Variants in MAN1C1 observed in about 807,000 individuals in gnomAD.
The protein encoded by MAN1C1 is mannosidase alpha class 1C member 1.
MAN1C1 carries 49 observed loss-of-function variants against 71.5 expected under a neutral mutation model. The observed-to-expected ratio is 0.69, with a 90% CI of 0.54 to 0.87. The LOEUF (loss-of-function observed/expected upper bound fraction) is 0.87. MAN1C1 is among the 40% of genes least tolerant of loss of function. MAN1C1 has a pLI of 0.00. For synonymous variants in MAN1C1, 352 were observed against 343.7 expected, an observed-to-expected ratio of 1.02 and a Z score of -0.27; for missense variants, 743 against 835.0, an observed-to-expected ratio of 0.89 and a Z score of 1.36.
chr1:25,636,080 C>T (rs540114283), intron 1 of MAN1C1, among the ~76,000 whole-genome samples: 46 of 152,258 alleles, frequency 3.0e-4, no homozygotes, highest in Middle Eastern at 3.4e-3. Context: ...GAGTAGGTCA[C>T]AAAGATCACA....
At chr1:25,747,885 G>A (rs537015397) in intron 3 of MAN1C1, among the ~76,000 whole-genome samples, 8 of 152,244 alleles carry the variant, frequency 5.3e-5, no homozygotes, top group African/African-American at 1.7e-4. Context: ...AGTTGTAACC[G>A]CATTTTATAA....
chr1:25,770,654 T>C (rs757829161), intron 7 of MAN1C1, among the ~76,000 whole-genome samples: 3 of 152,188 alleles, frequency 2.0e-5, no homozygotes, highest in Non-Finnish European at 2.9e-5. Flanking sequence ...ACATTGAGGC[T>C]CCTGGCCCAC....
At chr1:25,655,109 T>A (rs1572124738) in intron 1 of MAN1C1, among the ~76,000 whole-genome samples, 1 of 152,208 alleles carries the variant, frequency 6.6e-6, no homozygotes, top group Admixed American at 6.5e-5. Flanking sequence ...GCTGACACCA[T>A]ATCTCCAATT....
chr1:25,686,372 C>G, intron 1 of MAN1C1, 68 bp from the exon 2 acceptor site: 1 of 1,345,272 alleles, frequency 7.4e-7, no homozygotes. Flanking sequence ...GGGGCAAAGC[C>G]AGGCGGCCAG....
chr1:25,686,721 G>C (rs2046236684), intron 2 of MAN1C1, among the ~76,000 whole-genome samples, 185 bp downstream of exon 2: 1 of 152,142 alleles, frequency 6.6e-6, no homozygotes, highest in East Asian at 1.9e-4. Context: ...CTAGATTTAG[G>C]GGGAATCCTA....
chr1:25,641,030 A>G (rs1284868958), intron 1 of MAN1C1, among the ~76,000 whole-genome samples: 1 of 152,180 alleles, frequency 6.6e-6, no homozygotes, highest in Non-Finnish European at 1.5e-5. Flanking sequence ...CTCGAAGTCG[A>G]CTTGCCTGTT....
At chr1:25,699,316 A>G (rs3014701) in intron 2 of MAN1C1, among the ~76,000 whole-genome samples, 6,206 of 151,356 alleles carry the variant, frequency 0.041, 425 homozygotes, top group African/African-American at 0.14. Context: ...AAAAAAAAAA[A>G]AAAAAGAAGA....
rs1318010967 is a variant in MAN1C1, at chr1:25,769,071, C to T, written c.1142-2586C>T. ...CCACACACACTACACACCACCCACA[C>T]TCCCACACACACACCTATCACCCAC... On this transcript the variant is annotated intron_variant, in intron 7 of 11. Transcript: ENST00000374332. The surrounding 1 kb of genome is among the most constrained non-coding windows in gnomAD (Gnocchi z 4.8). Among the ~76,000 whole-genome samples the T allele has an allele frequency of 6.8e-6, 1 of 147,134 alleles. No homozygotes were observed. The highest frequency in any genetic ancestry group is 1.5e-5 in the Non-Finnish European group (1 of 66,480).
At chr1:25,751,169 A>C (rs2047209334) in intron 4 of MAN1C1, among the ~76,000 whole-genome samples, 1 of 125,608 alleles carries the variant, frequency 8.0e-6, no homozygotes. Flanking sequence ...CCTTCCTTCC[A>C]TTTATCTTTC....
intron 1 of MAN1C1, among the ~76,000 whole-genome samples, chr1:25,675,612 G>A (rs1017200063): frequency 2.7e-5 from 4 of 149,318 alleles, no homozygotes; most frequent in African/African-American, 7.4e-5. Flanking sequence ...GTTACCCAGT[G>A]TGGGATTGCT....
chr1:25,656,816 C>A (rs926772402), intron 1 of MAN1C1, among the ~76,000 whole-genome samples: 1 of 150,032 alleles, frequency 6.7e-6, no homozygotes, highest in Non-Finnish European at 1.5e-5. Context: ...GAAAGATAGA[C>A]CAACCTTGCG....
rs563831360 is a variant in MAN1C1, at chr1:25,639,464, T to A, written c.540+21127T>A. On this transcript the variant is annotated intron_variant, in intron 1 of 11. Transcript: ENST00000374332. The stretch of plus-strand genomic sequence containing the variant: ...CTACTTTTTTGAGATTCTAGGTTCA[T>A]CTGCTTTGAAACAGTTTTTCTCCCC... 7.2e-5 allele frequency among the ~76,000 whole-genome samples: 11 copies of A among 152,328 alleles called. No individual in the cohort carries two copies. The East Asian group carries it at 2.1e-3, about 29-fold the overall frequency.
intron 2 of MAN1C1, among the ~76,000 whole-genome samples, chr1:25,732,558 T>C (rs1204696231): frequency 2.0e-5 from 3 of 152,216 alleles, no homozygotes; most frequent in Non-Finnish European, 2.9e-5. Flanking sequence ...CACGCAGGTT[T>C]GCGTCTGCGG....
chr1:25,771,915 A>T, intron 8 of MAN1C1, 143 bp downstream of exon 8: 2 of 646,690 alleles, frequency 3.1e-6, no homozygotes, highest in Non-Finnish European at 5.5e-6. Flanking sequence ...GAGAAGATTG[A>T]CAGGACAGTC....
intron 1 of MAN1C1, among the ~76,000 whole-genome samples, chr1:25,668,425 C>T (rs1301830215): frequency 1.3e-5 from 2 of 152,104 alleles, no homozygotes; most frequent in African/African-American, 4.8e-5. Context: ...ACATGGGGTA[C>T]ATAGTAGATG....
At chr1:25,720,210 T>G (rs1293006304) in intron 2 of MAN1C1, among the ~76,000 whole-genome samples, 1 of 152,070 alleles carries the variant, frequency 6.6e-6, no homozygotes, top group African/African-American at 2.4e-5. Flanking sequence ...AAATCCTTTT[T>G]TTTTTTCTTA....
At chr1:25,654,614 C>T (rs553557574) in intron 1 of MAN1C1, among the ~76,000 whole-genome samples, 20 of 152,136 alleles carry the variant, frequency 1.3e-4, no homozygotes, top group Admixed American at 1.1e-3. Context: ...TGCTGTGGAA[C>T]GTAATCTGCT....
At chr1:25,747,257 A>G (rs2047142918) in intron 3 of MAN1C1, among the ~76,000 whole-genome samples, 1 of 152,120 alleles carries the variant, frequency 6.6e-6, no homozygotes, top group Admixed American at 6.5e-5. Context: ...GGTGGTGCAT[A>G]TCCCTTTGCA....
At chr1:25,699,316 AAAAAAG>A (rs1252669277) in intron 2 of MAN1C1, among the ~76,000 whole-genome samples, 2 of 151,356 alleles carry the variant, frequency 1.3e-5, no homozygotes, top group Non-Finnish European at 2.9e-5. Flanking sequence ...AAAAAAAAAA[AAAAAAG>A]AAGAAGAAGA....
Sources: allele counts gnomAD v4.1 joint callset (sites outside exome capture counted in the v4.1 genomes callset), GRCh38; gene constraint gnomAD v4.1.1; non-coding constraint Gnocchi (gnomAD v3.1); transcripts MANE v1.5; gene names NCBI Gene and HGNC (gene_info 2026-07-23, HGNC 2026-07-21).